The following MSRB3 variants were observed in gnomAD, a reference collection of about 807,000 sequenced individuals.
The protein encoded by MSRB3 is methionine sulfoxide reductase B3, also known as methionine-R-sulfoxide reductase B3.
MSRB3 carries 13 observed loss-of-function variants against 21.0 expected under a neutral mutation model. The observed-to-expected ratio is 0.62, with a 90% CI of 0.40 to 0.98. The LOEUF (loss-of-function observed/expected upper bound fraction) is 0.98. Ranked by LOEUF, MSRB3 falls within the 50% of genes least tolerant of loss-of-function variation. The pLI is 0.00. For missense variants in MSRB3, 199 were observed against 230.3 expected (o/e 0.86, Z 0.88); for synonymous variants, 87 against 88.6 (o/e 0.98, Z 0.10).
At chr12:65,367,933 A>G (rs1878105720) in intron 4 of MSRB3, among the ~76,000 whole-genome samples, 2 of 152,208 alleles carry the variant, frequency 1.3e-5, no homozygotes, top group Non-Finnish European at 2.9e-5. Flanking sequence ...ACACACACAT[A>G]CACACAATCA....
intron 4 of MSRB3, among the ~76,000 whole-genome samples, chr12:65,346,728 T>A (rs1466273322): frequency 6.6e-6 from 1 of 152,166 alleles, no homozygotes; most frequent in Non-Finnish European, 1.5e-5. Context: ...GGTCTAACAT[T>A]TAAGTCTTCA....
chr12:65,396,699 AAAAAAAAAG>A (rs1282201534), intron 5 of MSRB3, among the ~76,000 whole-genome samples: 2 of 25,012 alleles, frequency 8.0e-5, no homozygotes, highest in African/African-American at 1.9e-4. Context: ...CTCAAAAAAA[AAAAAAAAAG>A]AAAGAAAGAA....
intron 5 of MSRB3, among the ~76,000 whole-genome samples, chr12:65,429,329 C>A (rs893957523): frequency 4.6e-5 from 7 of 151,800 alleles, no homozygotes; most frequent in African/African-American, 1.7e-4. Flanking sequence ...GAGCCAAGGT[C>A]GAAAGTATGA....
intron 1 of MSRB3, among the ~76,000 whole-genome samples, chr12:65,281,031 G>A (rs982077207): frequency 6.6e-6 from 1 of 151,972 alleles, no homozygotes; most frequent in African/African-American, 2.4e-5. Context: ...GTTCGAGACC[G>A]GCCTGGTCAA....
At chr12:65,288,240 T>G (rs1292717681) in intron 1 of MSRB3, among the ~76,000 whole-genome samples, 1 of 150,624 alleles carries the variant, frequency 6.6e-6, no homozygotes, top group Non-Finnish European at 1.5e-5. Flanking sequence ...GAGGCGGAGG[T>G]TCCAGTGAGC....
chr12:65,378,775 G>A (rs1878779875), intron 5 of MSRB3, among the ~76,000 whole-genome samples: 1 of 152,204 alleles, frequency 6.6e-6, no homozygotes. Context: ...AAGCCAGAAT[G>A]CTATGTATTT....
At chr12:65,372,607 A>G (rs1337816524) in intron 5 of MSRB3, among the ~76,000 whole-genome samples, 1 of 152,222 alleles carries the variant, frequency 6.6e-6, no homozygotes, top group Non-Finnish European at 1.5e-5. Context: ...CAGAAGTAGC[A>G]AGAAGCTATA....
At chr12:65,320,128 G>A (rs551102124) in intron 2 of MSRB3, among the ~76,000 whole-genome samples, 7 of 152,216 alleles carry the variant, frequency 4.6e-5, no homozygotes, top group East Asian at 3.9e-4. Flanking sequence ...AACTGATCTC[G>A]TGGAATTGTC....
chr12:65,294,755 GT>G (rs147167043), intron 1 of MSRB3, among the ~76,000 whole-genome samples: 15,105 of 152,098 alleles, frequency 0.099, 995 homozygotes, highest in East Asian at 0.29. Context: ...TTGTACTATA[GT>G]TTTATGTTCT....
intron 5 of MSRB3, among the ~76,000 whole-genome samples, chr12:65,426,776 A>G (rs951040666): frequency 6.6e-6 from 1 of 151,994 alleles, no homozygotes. Flanking sequence ...TTTTTAAGAT[A>G]ACTTGTCTTT....
At position 65,466,714 on chromosome 12, in the gene MSRB3, A is replaced by G. The variant is rs1883588285; in HGVS notation, c.*3392A>G. The G allele has an allele frequency of 6.6e-6, 1 of 152,236 alleles. No individual in the cohort carries two copies. The highest frequency in any genetic ancestry group is 6.5e-5 in the Admixed American group (1 of 15,290). The allele number at this position is 152,236 out of a possible 1,614,324, so 9.4% of individuals were successfully genotyped here. A position where few individuals can be genotyped will look rare whatever the true frequency, so the allele number is the denominator to read the frequency against. Reference sequence around the variant, plus strand: ...TTGTGTTTAAAATGTCTTGCTTTAAATACAAAACAAATGGTAAAGGGGATT... The same window carrying G: ...TTGTGTTTAAAATGTCTTGCTTTAAGTACAAAACAAATGGTAAAGGGGATT... On this transcript the variant is annotated 3_prime_UTR_variant, in exon 7 of 7. Transcript: ENST00000308259.
chr12:65,341,998 GT>G (rs1049105757), intron 4 of MSRB3, among the ~76,000 whole-genome samples: 2 of 151,734 alleles, frequency 1.3e-5, no homozygotes, highest in South Asian at 2.1e-4. Context: ...AAACCAAAGT[GT>G]TTTTTTCTGT....
At chr12:65,454,008 G>T (rs1290916809) in intron 6 of MSRB3, 183 bp downstream of exon 6, 5 of 692,076 alleles carry the variant, frequency 7.2e-6, no homozygotes, top group Non-Finnish European at 1.3e-5. Flanking sequence ...GTTAAGGTCG[G>T]CATGATAGCT....
chr12:65,417,561 T>C (rs1881045792), intron 5 of MSRB3, among the ~76,000 whole-genome samples: 1 of 152,198 alleles, frequency 6.6e-6, no homozygotes, highest in East Asian at 1.9e-4. Flanking sequence ...TTATTTACTG[T>C]AGTCACCATG....
At chr12:65,393,588 G>A (rs563922339) in intron 5 of MSRB3, among the ~76,000 whole-genome samples, 85 of 133,924 alleles carry the variant, frequency 6.3e-4, no homozygotes, top group Non-Finnish European at 1.2e-3. Context: ...CCGAGATCAC[G>A]CCACTGCACT....
chr12:65,458,463 C>T (rs913470474), intron 6 of MSRB3, among the ~76,000 whole-genome samples: 15 of 152,156 alleles, frequency 9.9e-5, no homozygotes, highest in African/African-American at 3.1e-4. Flanking sequence ...TGGTTCAGTC[C>T]TATCACCACT....
At chr12:65,407,127 A>G (rs186565708) in intron 5 of MSRB3, among the ~76,000 whole-genome samples, 365 of 152,362 alleles carry the variant, frequency 2.4e-3, no homozygotes, top group Admixed American at 7.1e-3. Flanking sequence ...CCAATGGAGC[A>G]GTGTAGAGAG....
At chr12:65,445,587 A>G (rs1377908125) in intron 5 of MSRB3, among the ~76,000 whole-genome samples, 1 of 151,598 alleles carries the variant, frequency 6.6e-6, no homozygotes, top group African/African-American at 2.4e-5. Context: ...TTTAGAGTCT[A>G]TAGGTTTATG....
chr12:65,440,540 T>G (rs1882325643), intron 5 of MSRB3, among the ~76,000 whole-genome samples: 1 of 151,848 alleles, frequency 6.6e-6, no homozygotes, highest in Non-Finnish European at 1.5e-5. Context: ...TTCCTGAGAC[T>G]TTTGTAATTT....
Sources: allele counts gnomAD v4.1 joint callset (sites outside exome capture counted in the v4.1 genomes callset), GRCh38; gene constraint gnomAD v4.1.1; transcripts MANE v1.5; gene names NCBI Gene and HGNC (gene_info 2026-07-23, HGNC 2026-07-21).